Variants in ST3GAL1 observed in about 807,000 individuals in gnomAD.
ST3GAL1 encodes CMP-N-acetylneuraminate-beta-galactosamide-alpha-2,3-sialyltransferase 1.
Under a neutral mutation model 34.1 loss-of-function variants are expected in ST3GAL1, and 16 were observed. The observed-to-expected ratio is 0.47, with a 90% CI of 0.32 to 0.71. ST3GAL1 has a LOEUF of 0.71. Among genes scored for constraint, ST3GAL1 ranks in the 30% least tolerant of loss-of-function variants. The pLI, the probability that ST3GAL1 is intolerant of heterozygous loss-of-function variation, is 0.04. For synonymous variants in ST3GAL1, 191 were observed against 184.7 expected (o/e 1.03, Z -0.28); for missense variants, 353 against 447.4 (o/e 0.79, Z 1.90).
At chr8:133,526,995 G>C (rs922650671) in intron 2 of ST3GAL1, among the ~76,000 whole-genome samples, 2 of 152,186 alleles carry the variant, frequency 1.3e-5, no homozygotes, top group African/African-American at 4.8e-5. Flanking sequence ...CAAGAAAACA[G>C]AGGGTCAGAG....
intron 2 of ST3GAL1, among the ~76,000 whole-genome samples, chr8:133,532,541 T>G (rs896104498): frequency 1.6e-4 from 25 of 152,162 alleles, no homozygotes; most frequent in Admixed American, 4.6e-4. Context: ...AATATTGAAA[T>G]AATTCCTCAA....
At position 133,459,969 on chromosome 8, in the gene ST3GAL1, C is replaced by T; in HGVS notation, c.850-32G>A. 3 of 1,580,096 alleles carry T rather than the reference C, an allele frequency of 1.9e-6. No homozygotes were observed. The highest frequency in any genetic ancestry group is 1.7e-6 in the Non-Finnish European group (2 of 1,158,996). ...GAGCAAAGCAAAGATGAGAACCAGA[C>T]AGCAGGGCTGCTGGTGGCACCTCTG... is the stretch of plus-strand genomic sequence containing the variant. On this transcript the variant is annotated intron_variant, in intron 9 of 9. Coordinates refer to ENST00000522652, the MANE Select transcript of ST3GAL1 (RefSeq NM_173344.3). This position sits in a 1 kb window ranked among gnomAD's most constrained non-coding sequence, Gnocchi z 4.7.
At chr8:133,541,072 T>TATATATAGAC (rs1818501651) in intron 2 of ST3GAL1, among the ~76,000 whole-genome samples, 1 of 88,644 alleles carries the variant, frequency 1.1e-5, no homozygotes, top group African/African-American at 5.5e-5. Flanking sequence ...TATATAGACA[T>TATATATAGAC]ATATATAGAC....
rs575703727 is a variant in ST3GAL1 at position 133,494,031 on chromosome 8, T to G, written c.-374+5104A>C. Among the ~76,000 whole-genome samples the G allele has an allele frequency of 1.6e-3, 244 of 152,270 alleles. 1 individual carries two copies. The highest frequency in any genetic ancestry group is 2.7e-3 in the Non-Finnish European group (184 of 68,012). ...GTCTGAGTGTGTGTGTGTTATGCAC[T>G]AGAGCTACAAAGCAAACATTAATAG... On this transcript the variant is annotated intron_variant, in intron 3 of 9. Transcript: ENST00000522652.
intron 3 of ST3GAL1, among the ~76,000 whole-genome samples, chr8:133,494,846 T>C (rs1346825540): frequency 1.3e-5 from 2 of 151,804 alleles, no homozygotes; most frequent in African/African-American, 4.8e-5. Context: ...CTGGGTCACA[T>C]GGCAAATCCT....
At chr8:133,518,941 C>T (rs995883064) in intron 2 of ST3GAL1, among the ~76,000 whole-genome samples, 1 of 152,140 alleles carries the variant, frequency 6.6e-6, no homozygotes, top group African/African-American at 2.4e-5. Flanking sequence ...TCTGTAAACA[C>T]GACCTCAGGC....
chr8:133,550,382 C>T (rs1343808865), intron 1 of ST3GAL1, among the ~76,000 whole-genome samples: 4 of 152,176 alleles, frequency 2.6e-5, no homozygotes, highest in Non-Finnish European at 5.9e-5. Flanking sequence ...CAGAAAGTGT[C>T]CCCATTTTTG....
chr8:133,566,792 T>C (rs2272675), intron 1 of ST3GAL1, among the ~76,000 whole-genome samples: 102,515 of 152,146 alleles, frequency 0.67, 35,782 homozygotes, highest in African/African-American at 0.85. Context: ...AGCCACTCTC[T>C]GTTTTATACA....
chr8:133,538,018 A>G lies in ST3GAL1; in HGVS notation c.-429+7756T>C, dbSNP rs77813678. Among the ~76,000 whole-genome samples the G allele has an allele frequency of 7.7e-3, 1,175 of 152,236 alleles. 9 individuals are homozygous for G. The highest frequency in any genetic ancestry group is 0.013 in the Non-Finnish European group (880 of 67,996). ...TGCTCCATTTTACACATGAGACAAT[A>G]GGGGCAGGGAGGGGCTGCATTTGAG... On this transcript the variant is annotated intron_variant, in intron 2 of 9. Transcript: ENST00000522652.
At position 133,541,120 on chromosome 8, in the gene ST3GAL1, T is replaced by TATAGAGAGAGAGAGAGAGAG. The variant is rs71299078; in HGVS notation, c.-429+4653_-429+4654insCTCTCTCTCTCTCTCTCTAT. Among the ~76,000 whole-genome samples the TATAGAGAGAGAGAGAGAGAG allele has an allele frequency of 1.8e-3, 86 of 48,630 alleles. 7 individuals carry two copies. Among genetic ancestry groups the TATAGAGAGAGAGAGAGAGAG allele is most frequent in the Non-Finnish European group, 2.1e-3 (56 of 27,192 alleles). 31.9% of individuals were successfully genotyped at this position (48,630 alleles called of 152,430 possible). A position where few individuals can be genotyped will look rare whatever the true frequency, so the allele number is the denominator to read the frequency against. On this transcript the variant is annotated intron_variant, in intron 2 of 9. Transcript: ENST00000522652. ...ACATATATATATATATATATATATATAGAGAGAGAGAGAGAGAGAGAGAGA... is the reference window on the plus strand; with the variant it reads ...ACATATATATATATATATATATATATATAGAGAGAGAGAGAGAGAGAGAGAGAGAGAGAGAGAGAGAGAGA...
chr8:133,465,072 C>T, intron 6 of ST3GAL1, 115 bp from the exon 7 acceptor site: 1 of 990,610 alleles, frequency 1.0e-6, no homozygotes, highest in Non-Finnish European at 1.5e-6. Context: ...CACCTGCCTT[C>T]CCCGGGCCTC....
intron 2 of ST3GAL1, among the ~76,000 whole-genome samples, chr8:133,522,748 C>A (rs942398841): frequency 6.6e-6 from 1 of 152,210 alleles, no homozygotes; most frequent in African/African-American, 2.4e-5. Flanking sequence ...GTGTTAAGCA[C>A]GTGACACTCC....
At chr8:133,529,929 T>C (rs2978017) in intron 2 of ST3GAL1, among the ~76,000 whole-genome samples, 42,904 of 151,780 alleles carry the variant, frequency 0.28, 6,986 homozygotes, top group Middle Eastern at 0.37. Flanking sequence ...CCCAGCCCCC[T>C]GCCCGCTCCT....
chr8:133,475,997 T>C lies in ST3GAL1; in HGVS notation c.28A>G (p.Lys10Glu). MVTLRKRTL[K>E]VLTFLVLFIF... The stretch of plus-strand genomic sequence containing the variant: ...AAGAGCACGAGGAAGGTGAGCACTT[T>C]CAGGGTCCTCTTCCGCAGGGTCACC... Residue 10 changes from lysine (K) to glutamate (E), a missense_variant, in exon 5 of 10, where the codon AAA (lysine) becomes GAA (glutamate). By Grantham distance (56) the Lys-to-Glu change is moderately conservative. Transcript: ENST00000522652. 1 of 1,605,822 alleles carries C rather than the reference T, an allele frequency of 6.2e-7. No homozygotes were observed. The highest frequency in any genetic ancestry group is 2.2e-5 in the East Asian group (1 of 44,796).
intron 2 of ST3GAL1, among the ~76,000 whole-genome samples, chr8:133,514,738 G>C (rs1214026128): frequency 6.6e-6 from 1 of 152,140 alleles, no homozygotes; most frequent in East Asian, 1.9e-4. Flanking sequence ...GCAATCCTGG[G>C]GCACTAGGTG....
intron 2 of ST3GAL1, among the ~76,000 whole-genome samples, chr8:133,528,182 GAA>G (rs374193055): frequency 1.3e-5 from 2 of 149,300 alleles, no homozygotes; most frequent in African/African-American, 4.9e-5. Flanking sequence ...TCAAATAAAA[GAA>G]AAAAAAAATT....
At chr8:133,527,074 C>T (rs1247521773) in intron 2 of ST3GAL1, among the ~76,000 whole-genome samples, 1 of 152,164 alleles carries the variant, frequency 6.6e-6, no homozygotes, top group Non-Finnish European at 1.5e-5. Context: ...GGCACCCATC[C>T]ATGCTAACTA....
chr8:133,479,001 C>G (rs186071884), intron 3 of ST3GAL1, among the ~76,000 whole-genome samples: 1 of 152,324 alleles, frequency 6.6e-6, no homozygotes, highest in Admixed American at 6.5e-5. Context: ...GTCACATTTC[C>G]ATTCTCAGCA....
At chr8:133,500,568 G>A (rs1817118399) in intron 2 of ST3GAL1, among the ~76,000 whole-genome samples, 1 of 152,174 alleles carries the variant, frequency 6.6e-6, no homozygotes, top group Non-Finnish European at 1.5e-5. Context: ...TATGAAGCGA[G>A]ACAGCCTGGG....
Sources: gnomAD v4.1 joint callset for allele counts (sites outside exome capture counted in the v4.1 genomes callset) on GRCh38, gnomAD v4.1.1 for gene constraint, Gnocchi (gnomAD v3.1) non-coding constraint, MANE v1.5 for transcripts, NCBI Gene and HGNC (gene_info 2026-07-23, HGNC 2026-07-21) for gene names.